SYNE2: variants seen among roughly 807,000 people sequenced by gnomAD.
SYNE2 encodes spectrin repeat containing nuclear envelope protein 2.
Under a neutral mutation model 856.3 loss-of-function variants are expected in SYNE2, and 431 were observed. The ratio of observed to expected loss-of-function variants is 0.50; its 90% CI spans 0.47 to 0.55. The LOEUF (loss-of-function observed/expected upper bound fraction) is 0.55. SYNE2 is among the 20% of genes least tolerant of loss of function. The pLI, the probability that SYNE2 is intolerant of heterozygous loss-of-function variation, is 0.00. For missense variants in SYNE2, 8,129 were observed against 8,023.2 expected, an observed-to-expected ratio of 1.01 and a Z score of -0.50; for synonymous variants, 2,923 against 2,872.3, an observed-to-expected ratio of 1.02 and a Z score of -0.56.
At chr14:64,039,964 C>G (rs2097134836) in intron 45 of SYNE2, among the ~76,000 whole-genome samples, 1 of 152,126 alleles carries the variant, frequency 6.6e-6, no homozygotes, top group Admixed American at 6.6e-5. Context: ...TCCAGTTACA[C>G]ATGGAAATAA....
In SYNE2 at chr14:64,128,498, C is replaced by T. The variant is rs758010581; in HGVS notation, c.13964C>T (p.Ser4655Phe). The T allele has an allele frequency of 1.9e-6, 3 of 1,609,300 alleles. No individual in the cohort carries two copies. The highest frequency in any genetic ancestry group is 3.3e-5 in the Admixed American group (2 of 59,980). The change falls in exon 74 of 116, where the codon TCT becomes TTT. Residue 4655 changes from serine to phenylalanine, a missense_variant. Ser to Phe is a radical substitution (Grantham distance 155, BLOSUM62 -2). Transcript: ENST00000555002. ...CATCAGCTCATTAAGAGTAAGACATCTTTACAACAGTCTTTGAATGAAATC... is the reference window on the plus strand; with the variant it reads ...CATCAGCTCATTAAGAGTAAGACATTTTTACAACAGTCTTTGAATGAAATC... ...LYHQLIKSKT[S>F]LQQSLNEISG...
chr14:63,967,944 C>T (rs2096417443), intron 11 of SYNE2, 98 bp downstream of exon 11: 4 of 1,216,380 alleles, frequency 3.3e-6, no homozygotes, highest in Middle Eastern at 2.0e-4. Context: ...GGGTGGATCA[C>T]TTGAGGTCAG....
intron 98 of SYNE2, 192 bp downstream of exon 98, chr14:64,188,900 G>A (rs531688303): frequency 7.0e-6 from 5 of 718,564 alleles, no homozygotes; most frequent in Non-Finnish European, 1.0e-5. Context: ...AGATGGGAGT[G>A]TGAGACCATT....
At chr14:64,041,417 T>C (rs1276725563) in intron 45 of SYNE2, among the ~76,000 whole-genome samples, 2 of 152,092 alleles carry the variant, frequency 1.3e-5, no homozygotes, top group Admixed American at 1.3e-4. Flanking sequence ...ATAATGACAA[T>C]GCATGTAACT....
intron 1 of SYNE2, among the ~76,000 whole-genome samples, chr14:63,862,560 G>A (rs144341062): frequency 2.0e-5 from 3 of 152,116 alleles, no homozygotes; most frequent in Middle Eastern, 6.8e-3. Context: ...TGTCACTACC[G>A]TGAATACATT....
intron 70 of SYNE2, among the ~76,000 whole-genome samples, chr14:64,124,572 A>T (rs1049859900): frequency 2.6e-5 from 4 of 152,074 alleles, no homozygotes; most frequent in South Asian, 4.2e-4. Context: ...TCTAAATATA[A>T]CTAGTCATGA....
chr14:63,898,594 C>CG (rs376329107), intron 1 of SYNE2, among the ~76,000 whole-genome samples: 48 of 151,678 alleles, frequency 3.2e-4, no homozygotes, highest in African/African-American at 1.1e-3. Context: ...TTTGTAGAGA[C>CG]GGGGTTTTGC....
intron 1 of SYNE2, among the ~76,000 whole-genome samples, chr14:63,905,808 G>C (rs1255612660): frequency 6.6e-6 from 1 of 152,122 alleles, no homozygotes; most frequent in Non-Finnish European, 1.5e-5. Context: ...TTGCCTGATT[G>C]CTCTGGCGGG....
At chr14:64,224,181 C>CAGAAA (rs556126119) in intron 113 of SYNE2, among the ~76,000 whole-genome samples, 1 of 74,748 alleles carries the variant, frequency 1.3e-5, no homozygotes, top group African/African-American at 5.5e-5. Flanking sequence ...CCCGTCTCTG[C>CAGAAA]AAAAAAAAAA....
chr14:63,780,318 G>A (rs758015712), intron 1 of SYNE2, among the ~76,000 whole-genome samples: 104 of 152,286 alleles, frequency 6.8e-4, no homozygotes, highest in Admixed American at 1.8e-3. Flanking sequence ...CAGACGATTT[G>A]AGGTCAGGAG....
chr14:63,939,347 C>CT lies in SYNE2; in HGVS notation c.80-1249dup, dbSNP rs1056199146. 3.4e-3 allele frequency among the ~76,000 whole-genome samples: 392 copies of CT among 115,162 alleles called. 2 individuals carry two copies. The highest frequency in any genetic ancestry group is 0.016 in the East Asian group (67 of 4,102). 75.6% of individuals were successfully genotyped at this position (115,162 alleles called of 152,430 possible). On this transcript the variant is annotated intron_variant, in intron 2 of 115. Transcript: ENST00000555002. ...TGACTCCTACCTGGATTTTTTTTTTCTTTTTTTTTTTTTTTTTTGAGACGA... is the reference window on the plus strand; with the variant it reads ...TGACTCCTACCTGGATTTTTTTTTTCTTTTTTTTTTTTTTTTTTTGAGACGA...
intron 1 of SYNE2, among the ~76,000 whole-genome samples, chr14:63,770,428 A>G (rs1385370706): frequency 6.6e-6 from 1 of 152,162 alleles, no homozygotes; most frequent in East Asian, 1.9e-4. Context: ...AGTATTTTGG[A>G]GAATTTCTTG....
In SYNE2 at chr14:64,211,981, A is replaced by G. The variant is rs370847169; in HGVS notation, c.18744A>G (p.Glu6248=). The G allele has an allele frequency of 5.6e-6, 9 of 1,614,020 alleles. No individual in the cohort carries two copies. The highest frequency in any genetic ancestry group is 1.3e-5 in the African/African-American group (1 of 74,906). ...RRLRHFTNQR[E]EFEGTRESIL... ...TGCAGCATTTCACCAACCAGAGGGAAGAATTTGAGGGCACCAGGGAGAGCA... is the reference window on the plus strand; with the variant it reads ...TGCAGCATTTCACCAACCAGAGGGAGGAATTTGAGGGCACCAGGGAGAGCA... Residue 6248 remains glutamate, a synonymous_variant, in exon 104 of 116, where the codon GAA becomes GAG. Coordinates refer to ENST00000555002, the MANE Select transcript of SYNE2 (RefSeq NM_182914.3).
In SYNE2 at chr14:63,974,784, GTA is replaced by G. The variant is rs1175668862; in HGVS notation, c.1129-1771_1129-1770del. On this transcript the variant is annotated intron_variant, in intron 11 of 115. Transcript: ENST00000555002. ...CGTGTGTGTGTATATATATATGTGTGTATATATATGTGTATATATGTGTATAT... is the reference window on the plus strand; with the variant it reads ...CGTGTGTGTGTATATATATATGTGTGTATATATGTGTATATATGTGTATAT... Among the ~76,000 whole-genome samples the G allele has an allele frequency of 1.3e-3, 101 of 79,128 alleles. 1 individual carries two copies. The highest frequency in any genetic ancestry group is 7.4e-3 in the African/African-American group (98 of 13,190). The allele number at this position is 79,128 out of a possible 152,430, so 51.9% of individuals were successfully genotyped here. A position where few individuals can be genotyped will look rare whatever the true frequency, so the allele number is the denominator to read the frequency against.
intron 1 of SYNE2, among the ~76,000 whole-genome samples, chr14:63,785,052 C>G (rs186689058): frequency 1.3e-5 from 2 of 152,158 alleles, no homozygotes; most frequent in African/African-American, 4.8e-5. Context: ...AAAACAAACC[C>G]TCTTGTATTG....
At chr14:63,796,406 G>A (rs1030523242) in intron 1 of SYNE2, among the ~76,000 whole-genome samples, 6 of 152,064 alleles carry the variant, frequency 3.9e-5, no homozygotes, top group Non-Finnish European at 7.4e-5. Context: ...ACAGTAAGAC[G>A]AGATCTCGCC....
intron 1 of SYNE2, among the ~76,000 whole-genome samples, chr14:63,785,450 C>T (rs1006846138): frequency 6.6e-6 from 1 of 151,562 alleles, no homozygotes; most frequent in African/African-American, 2.4e-5. Context: ...AGAGTGAGAC[C>T]CCATCTCAAA....
rs756762223 is a variant in SYNE2, at chr14:64,219,231, A to G, written c.19681A>G (p.Ile6561Val). Residue 6561 changes from isoleucine (I) to valine (V), a missense_variant, in exon 110 of 116, where the codon ATT (isoleucine) becomes GTT (valine). Physicochemically the swap from Ile to Val is conservative, Grantham distance 29. Transcript: ENST00000555002. ...AGGTGCCTTCGACAGATGGGAGATGATTCAAGCACAGGAGCTTCACAATAA... is the reference window on the plus strand; with the variant it reads ...AGGTGCCTTCGACAGATGGGAGATGGTTCAAGCACAGGAGCTTCACAATAA... ...QSGAFDRWEM[I>V]QAQELHNKLK... 2 of 1,612,952 alleles carry G rather than the reference A, an allele frequency of 1.2e-6. 1 individual carries two copies. The highest frequency in any genetic ancestry group is 2.2e-5 in the South Asian group (2 of 91,052).
At chr14:64,179,802 T>C (rs1186694631) in intron 96 of SYNE2, among the ~76,000 whole-genome samples, 2 of 152,208 alleles carry the variant, frequency 1.3e-5, no homozygotes, top group Non-Finnish European at 2.9e-5. Context: ...AGTATATACA[T>C]TGCAAATGTC....
Sources: allele counts gnomAD v4.1 joint callset (sites outside exome capture counted in the v4.1 genomes callset), GRCh38; gene constraint gnomAD v4.1.1; transcripts MANE v1.5; gene names NCBI Gene and HGNC (gene_info 2026-07-23, HGNC 2026-07-21).